Variants in SLC6A6 observed in about 807,000 individuals in gnomAD.
SLC6A6 encodes the protein sodium- and chloride-dependent taurine transporter.
SLC6A6 carries 16 observed loss-of-function variants against 68.8 expected under a neutral mutation model. The ratio of observed to expected loss-of-function variants is 0.23; its 90% CI spans 0.16 to 0.35. The LOEUF (loss-of-function observed/expected upper bound fraction) is 0.35. Ranked by LOEUF, SLC6A6 falls within the 10% of genes least tolerant of loss-of-function variation. SLC6A6 has a pLI of 1.00. For missense variants in SLC6A6, 474 were observed against 802.8 expected, an observed-to-expected ratio of 0.59 and a Z score of 4.95; for synonymous variants, 312 against 315.4, an observed-to-expected ratio of 0.99 and a Z score of 0.12.
At position 14,488,787 on chromosome 3, in the gene SLC6A6, G is replaced by A. The variant is rs964756108; in HGVS notation, c.*3780G>A. 6.6e-6 allele frequency: 1 copy of A among 152,626 alleles called. No homozygotes were observed. 9.5% of individuals were successfully genotyped at this position (152,626 alleles called of 1,614,324 possible). A position where few individuals can be genotyped will look rare whatever the true frequency, so the allele number is the denominator to read the frequency against. ...CTCCCTGATCCTCAGAATATATATT[G>A]TTGTAATAGGAAGCATTTTTGCATT... On this transcript the variant is annotated 3_prime_UTR_variant, in exon 15 of 15. Coordinates refer to ENST00000622186, the MANE Select transcript of SLC6A6 (RefSeq NM_003043.6).
intron 2 of SLC6A6, among the ~76,000 whole-genome samples, chr3:14,439,046 C>T (rs1360425293): frequency 6.6e-6 from 1 of 152,232 alleles, no homozygotes; most frequent in East Asian, 1.9e-4. Context: ...CTGGCTGGTG[C>T]TCAGGGCACC....
intron 1 of SLC6A6, among the ~76,000 whole-genome samples, chr3:14,414,824 C>A (rs928159601): frequency 2.0e-5 from 3 of 152,228 alleles, no homozygotes; most frequent in Admixed American, 2.0e-4. Flanking sequence ...CACACCTAGC[C>A]TTTAGTGCCA....
Position 14,481,032 on chromosome 3 carries a change from C to T in SLC6A6, c.1552-639C>T, listed in dbSNP as rs370649275. Among the ~76,000 whole-genome samples the T allele has an allele frequency of 5.2e-4, 79 of 152,316 alleles. No individual in the cohort carries two copies. Among genetic ancestry groups the T allele is most frequent in the East Asian group, 4.2e-3 (22 of 5,182 alleles). Reference sequence around the variant, plus strand: ...GTGGGGGAAGAAAGGCTTTCATCTACGCTGCTAGCACTTATGGTGCACTTG... The same window carrying T: ...GTGGGGGAAGAAAGGCTTTCATCTATGCTGCTAGCACTTATGGTGCACTTG... On this transcript the variant is annotated intron_variant, in intron 13 of 14. Transcript: ENST00000622186. This position sits in a 1 kb window ranked among gnomAD's most constrained non-coding sequence, Gnocchi z 4.7.
intron 12 of SLC6A6, 150 bp from the exon 13 acceptor site, chr3:14,478,935 C>G: frequency 1.6e-6 from 1 of 621,144 alleles, no homozygotes; most frequent in South Asian, 1.9e-5. Flanking sequence ...ATTTGAATTT[C>G]ATGTAAATGT....
Position 14,411,848 on chromosome 3 carries a change from A to C in SLC6A6, c.-53-4564A>C, listed in dbSNP as rs187272137. On this transcript the variant is annotated intron_variant, in intron 1 of 14. Coordinates refer to ENST00000622186, the MANE Select transcript of SLC6A6 (RefSeq NM_003043.6). Reference sequence around the variant, plus strand: ...CCTGGGGATGTGGCTGGTGAACAAGACAGACCAAACTGTACCCTCATGGAG... The same window carrying C: ...CCTGGGGATGTGGCTGGTGAACAAGCCAGACCAAACTGTACCCTCATGGAG... 2.4e-3 allele frequency among the ~76,000 whole-genome samples: 370 copies of C among 152,288 alleles called. 1 individual carries two copies. Among genetic ancestry groups the C allele is most frequent in the Admixed American group, 4.6e-3 (71 of 15,308 alleles).
At chr3:14,462,401 G>A (rs1700515294) in intron 6 of SLC6A6, among the ~76,000 whole-genome samples, 1 of 152,150 alleles carries the variant, frequency 6.6e-6, no homozygotes, top group Non-Finnish European at 1.5e-5. Flanking sequence ...GAGAACCTCA[G>A]TACACTAAAG....
chr3:14,451,276 G>A (rs767207831), intron 5 of SLC6A6, among the ~76,000 whole-genome samples: 11 of 152,226 alleles, frequency 7.2e-5, no homozygotes, highest in Admixed American at 6.5e-5. Context: ...ATCCACCTGC[G>A]TGGAGCAGCA....
chr3:14,439,640 T>C (rs1038739030), intron 2 of SLC6A6, among the ~76,000 whole-genome samples: 1 of 152,216 alleles, frequency 6.6e-6, no homozygotes, highest in African/African-American at 2.4e-5. Flanking sequence ...TCTCGGCTGC[T>C]GCAAAATAAC....
intron 6 of SLC6A6, among the ~76,000 whole-genome samples, chr3:14,464,228 GC>G (rs550596567): frequency 4.5e-4 from 68 of 152,304 alleles, no homozygotes; most frequent in Middle Eastern, 3.4e-3. Context: ...CCTACTGGCT[GC>G]CCTCTGGTCT....
chr3:14,461,781 C>T (rs1559306991), intron 6 of SLC6A6, among the ~76,000 whole-genome samples: 2 of 152,226 alleles, frequency 1.3e-5, no homozygotes, highest in Non-Finnish European at 1.5e-5. Flanking sequence ...TCACCAACAG[C>T]CAGGGCGCTG....
At position 14,425,912 on chromosome 3, in the gene SLC6A6, G is replaced by A. The variant is rs545999461; in HGVS notation, c.-12+9459G>A. Among the ~76,000 whole-genome samples the A allele has an allele frequency of 5.3e-5, 8 of 151,926 alleles. 1 individual carries two copies. Among genetic ancestry groups the A allele is most frequent in the African/African-American group, 1.7e-4 (7 of 41,396 alleles). On this transcript the variant is annotated intron_variant, in intron 2 of 14. Coordinates refer to ENST00000622186, the MANE Select transcript of SLC6A6 (RefSeq NM_003043.6). The stretch of plus-strand genomic sequence containing the variant: ...TGCGGGGTCAGTAGTTAGTAATCAC[G>A]GCAGGTATGCATGACTCTCACCAAT...
At chr3:14,436,421 C>G (rs1252947944) in intron 2 of SLC6A6, among the ~76,000 whole-genome samples, 1 of 151,856 alleles carries the variant, frequency 6.6e-6, no homozygotes, top group East Asian at 1.9e-4. Flanking sequence ...CCAGGCTTAT[C>G]TGGAACTCCT....
At chr3:14,432,072 C>G (rs1210842979) in intron 2 of SLC6A6, among the ~76,000 whole-genome samples, 1 of 152,180 alleles carries the variant, frequency 6.6e-6, no homozygotes, top group Admixed American at 6.5e-5. Flanking sequence ...GGGGCTGGCC[C>G]GGCTCCTGCA....
chr3:14,466,832 G>A (rs1158700084), intron 7 of SLC6A6, among the ~76,000 whole-genome samples, 182 bp downstream of exon 7: 4 of 152,226 alleles, frequency 2.6e-5, no homozygotes, highest in Admixed American at 1.3e-4. Flanking sequence ...CCTGTCCACG[G>A]TGCTGATGGA....
At chr3:14,478,445 C>T (rs1265386294) in intron 11 of SLC6A6, 21 bp from the exon 12 acceptor site, 3 of 1,519,794 alleles carry the variant, frequency 2.0e-6, no homozygotes, top group East Asian at 2.2e-5. Context: ...AATCGACCTT[C>T]TGTGGTTTTT....
rs976157725 is a variant in SLC6A6 at position 14,481,068 on chromosome 3, C to T, written c.1552-603C>T. 1.1e-4 allele frequency among the ~76,000 whole-genome samples: 17 copies of T among 152,198 alleles called. No individual in the cohort carries two copies. Among genetic ancestry groups the T allele is most frequent in the Non-Finnish European group, 1.5e-4 (10 of 68,048 alleles). ...CTTATGGTGCACTTGTTGTATGTAC[C>T]TGGAGCTGCACTGGGTGTTAAAGAA... On this transcript the variant is annotated intron_variant, in intron 13 of 14. Coordinates refer to ENST00000622186, the MANE Select transcript of SLC6A6 (RefSeq NM_003043.6). This position sits in a 1 kb window ranked among gnomAD's most constrained non-coding sequence, Gnocchi z 4.7.
chr3:14,464,939 G>A lies in SLC6A6; in HGVS notation c.733-1577G>A, dbSNP rs777428494. The stretch of plus-strand genomic sequence containing the variant: ...ACACTTCATGCCTTTCTGCACAGAG[G>A]TTAGCCCTCCACAGGCTCTGGGTTC... On this transcript the variant is annotated intron_variant, in intron 6 of 14. Transcript: ENST00000622186. 5.3e-5 allele frequency among the ~76,000 whole-genome samples: 8 copies of A among 152,312 alleles called. 1 individual carries two copies. The highest frequency in any genetic ancestry group is 2.0e-4 in the Admixed American group (3 of 15,298).
At chr3:14,463,163 T>C (rs564897142) in intron 6 of SLC6A6, among the ~76,000 whole-genome samples, 3 of 152,244 alleles carry the variant, frequency 2.0e-5, no homozygotes, top group Non-Finnish European at 4.4e-5. Flanking sequence ...ATCCCAAAGG[T>C]GTGGGGACCT....
chr3:14,444,377 A>AT (rs1207749203), intron 3 of SLC6A6: 13 of 199,860 alleles, frequency 6.5e-5, no homozygotes, highest in Admixed American at 1.1e-4. Flanking sequence ...CAGTGAAGAT[A>AT]TTTTTTAAAT....
Sources: gnomAD v4.1 joint callset for allele counts (sites outside exome capture counted in the v4.1 genomes callset) on GRCh38, gnomAD v4.1.1 for gene constraint, Gnocchi (gnomAD v3.1) non-coding constraint, MANE v1.5 for transcripts, NCBI Gene and HGNC (gene_info 2026-07-23, HGNC 2026-07-21) for gene names.